EDA2R: variants seen among roughly 807,000 people sequenced by gnomAD.
EDA2R encodes ectodysplasin A2 receptor.
In EDA2R, 26 loss-of-function variants were observed where a neutral mutation model predicts 20.1. The ratio of observed to expected loss-of-function variants is 1.30; its 90% CI spans 0.95 to 1.80. The LOEUF is 1.80. Ranked by LOEUF, EDA2R falls within the 40% of genes most tolerant of loss-of-function variation. EDA2R has a pLI of 0.00. For missense variants in EDA2R, 277 were observed against 228.7 expected, an observed-to-expected ratio of 1.21 and a Z score of -1.36; for synonymous variants, 114 against 88.7, an observed-to-expected ratio of 1.29 and a Z score of -1.60.
At chrX:66,622,735 A>T (rs1443389269) in intron 1 of EDA2R, among the ~76,000 whole-genome samples, 3 of 111,952 alleles carry the variant, frequency 2.7e-5, no homozygotes, top group Non-Finnish European at 5.6e-5. Context: ...CTGGCCTGTA[A>T]TTCAAATGTT....
rs755679027 is a variant in EDA2R, at chrX:66,611,316, A to G, written c.87+4618T>C. Among the ~76,000 whole-genome samples the G allele has an allele frequency of 3.6e-5, 4 of 111,883 alleles. 1 individual carries two copies. Among genetic ancestry groups the G allele is most frequent in the Admixed American group, 9.5e-5 (1 of 10,529 alleles). On this transcript the variant is annotated intron_variant, in intron 2 of 6. Transcript: ENST00000374719. ...ACACAACGAAAAACCACCCATGATA[A>G]TAAGAATAAGGAAAATCACAACATG...
At chrX:66,610,335 G>C (rs1480450619) in intron 2 of EDA2R, among the ~76,000 whole-genome samples, 1 of 108,113 alleles carries the variant, frequency 9.2e-6, no homozygotes, top group Non-Finnish European at 1.9e-5. Flanking sequence ...ATAGCTCTGT[G>C]TGTGGGTTGT....
At chrX:66,628,532 A>G (rs1254149555) in intron 1 of EDA2R, among the ~76,000 whole-genome samples, 1 of 111,036 alleles carries the variant, frequency 9.0e-6, no homozygotes, top group Non-Finnish European at 1.9e-5. Context: ...ACTGAAATAC[A>G]AAAGGTCATT....
intron 1 of EDA2R, among the ~76,000 whole-genome samples, chrX:66,624,280 A>G (rs1321171787): frequency 8.9e-6 from 1 of 111,854 alleles, no homozygotes; most frequent in African/African-American, 3.3e-5. Context: ...GCCCTTTCAG[A>G]GGCCTAGATG....
intron 2 of EDA2R, among the ~76,000 whole-genome samples, chrX:66,613,618 C>T (rs1931166763): frequency 9.0e-6 from 1 of 111,158 alleles, no homozygotes; most frequent in African/African-American, 3.3e-5. Context: ...TCAGGGACCC[C>T]GAACAGAGGG....
chrX:66,616,915 G>C (rs1368876222), intron 1 of EDA2R, among the ~76,000 whole-genome samples: 1 of 112,184 alleles, frequency 8.9e-6, no homozygotes, highest in Non-Finnish European at 1.9e-5. Context: ...GGTTAAAGGA[G>C]CTAAGGTCCA....
chrX:66,614,333 G>T (rs1243564205), intron 2 of EDA2R, among the ~76,000 whole-genome samples: 2 of 111,605 alleles, frequency 1.8e-5, no homozygotes, highest in East Asian at 5.6e-4. Flanking sequence ...AAGCAAAAAG[G>T]TTGCCTGTCT....
chrX:66,611,587 A>G (rs893074164), intron 2 of EDA2R, among the ~76,000 whole-genome samples: 1 of 111,505 alleles, frequency 9.0e-6, no homozygotes, highest in Non-Finnish European at 1.9e-5. Flanking sequence ...GAAGAGACAG[A>G]TGATAGAATC....
chrX:66,599,749 T>C lies in EDA2R; in HGVS notation c.629A>G (p.Gln210Arg). The C allele has an allele frequency of 8.3e-7, 1 of 1,210,151 alleles. No homozygotes were observed. The highest frequency in any genetic ancestry group is 1.1e-6 in the Non-Finnish European group (1 of 894,875). ...GAGGATAGGGTTAAGTGGCTGGGTC[T>C]GAAAGATGTTCTCACTCACTTGGGA... Reference protein sequence around the residue: ...AESQVSENIFQTQPLNPILED... With the variant: ...AESQVSENIFRTQPLNPILED... The change falls in exon 6 of 7, where the codon CAG (glutamine) becomes CGG (arginine). Residue 210 changes from glutamine to arginine, a missense_variant. Transcript: ENST00000374719.
intron 2 of EDA2R, among the ~76,000 whole-genome samples, chrX:66,607,296 A>G (rs191267592): frequency 7.1e-5 from 8 of 112,368 alleles, no homozygotes; most frequent in Non-Finnish European, 1.3e-4. Context: ...TTAGCATTCA[A>G]TGAAATTGCT....
Position 66,615,997 on chromosome X carries a change from G to A in EDA2R, c.24C>T (p.Tyr8=), listed in dbSNP as rs1931622139. The A allele has an allele frequency of 1.7e-6, 2 of 1,208,168 alleles. No individual in the cohort carries two copies. Among genetic ancestry groups the A allele is most frequent in the Non-Finnish European group, 1.1e-6 (1 of 893,904 alleles). The change falls in exon 2 of 7, where the codon TAC becomes TAT. Residue 8 remains tyrosine (Y), a synonymous_variant. Coordinates refer to ENST00000374719, the MANE Select transcript of EDA2R (RefSeq NM_021783.5). ...TGACACACCGTCCCCATTGGTCCCA[G>A]TACTCATTTTCTTGGCAATCCATGG... The part of the protein sequence containing the change: MDCQENE[Y]WDQWGRCVTC...
chrX:66,614,784 C>T (rs1031265176), intron 2 of EDA2R, among the ~76,000 whole-genome samples: 1 of 111,950 alleles, frequency 8.9e-6, no homozygotes, highest in East Asian at 2.8e-4. Flanking sequence ...CAACCCAAAA[C>T]CCTCCAAAGA....
intron 1 of EDA2R, among the ~76,000 whole-genome samples, chrX:66,624,994 G>A: frequency 8.9e-6 from 1 of 111,939 alleles, no homozygotes; most frequent in Middle Eastern, 4.6e-3. Flanking sequence ...GCAAAATACA[G>A]GGGTAGAGGA....
chrX:66,628,355 AAAC>A (rs895003660), intron 1 of EDA2R, among the ~76,000 whole-genome samples: 2 of 111,163 alleles, frequency 1.8e-5, no homozygotes, highest in Non-Finnish European at 3.8e-5. Context: ...AATGAAATTG[AAAC>A]AACAACAAAA....
chrX:66,622,427 G>T (rs901546287), intron 1 of EDA2R, among the ~76,000 whole-genome samples: 1 of 111,703 alleles, frequency 9.0e-6, no homozygotes, highest in African/African-American at 3.3e-5. Flanking sequence ...CATGCCTGTG[G>T]GGTGAAACAT....
chrX:66,606,049 C>T (rs1165503932), intron 2 of EDA2R, among the ~76,000 whole-genome samples: 1 of 111,497 alleles, frequency 9.0e-6, no homozygotes, highest in East Asian at 2.8e-4. Flanking sequence ...AGTTTCTGGG[C>T]ATCAGAAGTC....
chrX:66,622,357 G>T (rs1932752542), intron 1 of EDA2R, among the ~76,000 whole-genome samples: 1 of 111,876 alleles, frequency 8.9e-6, no homozygotes, highest in Admixed American at 9.5e-5. Flanking sequence ...TACCCAGGCT[G>T]CTGGGGGTGC....
At chrX:66,629,122 A>G (rs1369815378) in intron 1 of EDA2R, among the ~76,000 whole-genome samples, 8 of 112,118 alleles carry the variant, frequency 7.1e-5, no homozygotes, top group Admixed American at 1.9e-4. Context: ...AAGAAAAAGC[A>G]TTCAACAAAG....
chrX:66,626,072 A>G lies in EDA2R; in HGVS notation c.-10-10042T>C, dbSNP rs1933045168. ...AGCCTACGCAAATGAGAAAGAACCAAAAAAACAACTCTGGTAATATGAAAA... is the reference window on the plus strand; with the variant it reads ...AGCCTACGCAAATGAGAAAGAACCAGAAAAACAACTCTGGTAATATGAAAA... On this transcript the variant is annotated intron_variant, in intron 1 of 6. Coordinates refer to ENST00000374719, the MANE Select transcript of EDA2R (RefSeq NM_021783.5). Among the ~76,000 whole-genome samples the G allele has an allele frequency of 1.8e-5, 2 of 111,641 alleles. 1 individual carries two copies. Among genetic ancestry groups the G allele is most frequent in the Admixed American group, 1.9e-4 (2 of 10,505 alleles).
Sources: allele counts gnomAD v4.1 joint callset (sites outside exome capture counted in the v4.1 genomes callset), GRCh38; gene constraint gnomAD v4.1.1; transcripts MANE v1.5; gene names NCBI Gene and HGNC (gene_info 2026-07-23, HGNC 2026-07-21).